Variants in PCDH11X observed in about 807,000 individuals in gnomAD.
The protein encoded by PCDH11X is protocadherin 11 X-linked.
A neutral mutation model predicts 53.3 loss-of-function variants in PCDH11X; 18 were observed. The ratio of observed to expected loss-of-function variants is 0.34; its 90% CI spans 0.23 to 0.50. The LOEUF (loss-of-function observed/expected upper bound fraction) is 0.50, where lower values mean the gene tolerates loss of function less well. PCDH11X is among the 20% of genes least tolerant of loss of function. PCDH11X has a pLI of 0.98. For synonymous variants in PCDH11X, 279 were observed against 393.3 expected (o/e 0.71, Z 3.44); for missense variants, 570 against 1,032.4 (o/e 0.55, Z 6.14).
intron 10 of PCDH11X, among the ~76,000 whole-genome samples, chrX:92,569,429 T>A (rs2148771839): frequency 9.3e-6 from 1 of 108,057 alleles, no homozygotes. Flanking sequence ...ACTTGTGATT[T>A]ATTTTGTTCA....
intron 6 of PCDH11X, among the ~76,000 whole-genome samples, chrX:91,893,072 C>T (rs1206223333): frequency 1.8e-5 from 2 of 109,453 alleles, no homozygotes; most frequent in African/African-American, 3.3e-5. Context: ...CAAATCTTAG[C>T]ATCAACCTTA....
At chrX:92,547,055 G>T (rs1480542201) in intron 10 of PCDH11X, among the ~76,000 whole-genome samples, 1 of 108,129 alleles carries the variant, frequency 9.2e-6, no homozygotes, top group East Asian at 2.9e-4. Context: ...CCTCAGCATG[G>T]ACATATTTAC....
chrX:92,183,192 G>A (rs1285228732), intron 6 of PCDH11X, among the ~76,000 whole-genome samples: 3 of 110,024 alleles, frequency 2.7e-5, no homozygotes, highest in Admixed American at 9.7e-5. Context: ...TTTCCAAACA[G>A]GCATTCCTAC....
At chrX:92,008,676 C>T (rs2062641428) in intron 6 of PCDH11X, among the ~76,000 whole-genome samples, 2 of 107,381 alleles carry the variant, frequency 1.9e-5, no homozygotes, top group Admixed American at 1.0e-4. Flanking sequence ...GGTGTCCTTG[C>T]TGGGGGGCAA....
intron 1 of PCDH11X, among the ~76,000 whole-genome samples, chrX:91,798,971 T>G (rs1358718693): frequency 9.0e-6 from 1 of 110,976 alleles, no homozygotes; most frequent in African/African-American, 3.3e-5. Flanking sequence ...CATAAAATGT[T>G]TATATTCAAA....
intron 6 of PCDH11X, among the ~76,000 whole-genome samples, chrX:92,157,683 G>C (rs931148464): frequency 3.6e-5 from 4 of 111,027 alleles, no homozygotes; most frequent in Non-Finnish European, 7.6e-5. Flanking sequence ...ATTTGCTCTC[G>C]GTCACATTAT....
chrX:92,531,503 C>A (rs758977640), intron 10 of PCDH11X, among the ~76,000 whole-genome samples: 1 of 110,460 alleles, frequency 9.1e-6, no homozygotes, highest in Non-Finnish European at 1.9e-5. Context: ...TTGCTATTAA[C>A]AATGAGTATC....
At chrX:92,437,122 A>G (rs1165168808) in intron 9 of PCDH11X, among the ~76,000 whole-genome samples, 13 of 110,927 alleles carry the variant, frequency 1.2e-4, no homozygotes. Flanking sequence ...CCATAAATAT[A>G]TACACCTACT....
intron 5 of PCDH11X, among the ~76,000 whole-genome samples, chrX:91,848,862 C>A (rs1246279176): frequency 9.0e-6 from 1 of 111,244 alleles, no homozygotes; most frequent in Non-Finnish European, 1.9e-5. Flanking sequence ...ATTGAACCTG[C>A]TACGATGAAG....
chrX:92,113,459 C>A, intron 6 of PCDH11X: 5 of 1,204,223 alleles, frequency 4.2e-6, no homozygotes, highest in Non-Finnish European at 5.6e-6. Flanking sequence ...ACATCAATGC[C>A]TCTGGCCAGC....
chrX:92,487,014 T>C (rs1446901780), intron 10 of PCDH11X, among the ~76,000 whole-genome samples: 3 of 105,239 alleles, frequency 2.9e-5, no homozygotes, highest in Non-Finnish European at 5.8e-5. Flanking sequence ...ATGACAAATA[T>C]ATAGTTTTTT....
chrX:92,521,380 C>A (rs2074367409), intron 10 of PCDH11X, among the ~76,000 whole-genome samples: 1 of 111,225 alleles, frequency 9.0e-6, no homozygotes, highest in African/African-American at 3.3e-5. Context: ...TGGCAATGAG[C>A]AGTAATATGT....
chrX:92,383,874 G>C (rs951478994), intron 8 of PCDH11X, among the ~76,000 whole-genome samples: 3 of 111,492 alleles, frequency 2.7e-5, no homozygotes, highest in Non-Finnish European at 5.7e-5. Flanking sequence ...TGGTATTTCT[G>C]GTTCTAGACC....
chrX:91,825,276 C>G (rs761140769), intron 4 of PCDH11X, among the ~76,000 whole-genome samples: 1 of 110,479 alleles, frequency 9.1e-6, no homozygotes, highest in South Asian at 3.8e-4. Context: ...CCCCCAGCCT[C>G]GCTGCCACCT....
At chrX:92,401,279 G>T (rs1306498679) in intron 9 of PCDH11X, among the ~76,000 whole-genome samples, 1 of 108,494 alleles carries the variant, frequency 9.2e-6, no homozygotes, top group Non-Finnish European at 1.9e-5. Context: ...CCTCCTCAAG[G>T]TGTGGAGGAA....
At chrX:92,217,839 T>C (rs967511207) in intron 7 of PCDH11X, among the ~76,000 whole-genome samples, 2 of 110,956 alleles carry the variant, frequency 1.8e-5, no homozygotes, top group Admixed American at 1.9e-4. Flanking sequence ...AGAACAGAAA[T>C]TATAACAAAC....
chrX:92,459,575 G>A, intron 9 of PCDH11X: 1 of 468,264 alleles, frequency 2.1e-6, no homozygotes, highest in Non-Finnish European at 3.8e-6. Context: ...GTATCCAGGA[G>A]TAAATAACCA....
chrX:91,889,182 C>T (rs961704385), intron 6 of PCDH11X, among the ~76,000 whole-genome samples: 1 of 110,130 alleles, frequency 9.1e-6, no homozygotes, highest in Non-Finnish European at 1.9e-5. Flanking sequence ...AGTTTGTGAC[C>T]TCTGAAATGA....
At chrX:92,473,723 A>C (rs775384228) in intron 10 of PCDH11X, among the ~76,000 whole-genome samples, 56 of 110,945 alleles carry the variant, frequency 5.0e-4, no homozygotes, top group Non-Finnish European at 9.3e-4. Context: ...ATTCAGCAGC[A>C]TATTGTTTAA....
Sources: allele counts gnomAD v4.1 joint callset (sites outside exome capture counted in the v4.1 genomes callset), GRCh38; gene constraint gnomAD v4.1.1; transcripts MANE v1.5; gene names NCBI Gene and HGNC (gene_info 2026-07-23, HGNC 2026-07-21).